Variants in UBR3 observed in about 807,000 individuals in gnomAD.
UBR3 encodes E3 ubiquitin-protein ligase UBR3.
In UBR3, 85 loss-of-function variants were observed where a neutral mutation model predicts 243.2. That is an observed-to-expected ratio of 0.35 (90% CI 0.29 to 0.42). The LOEUF is 0.42. Among genes scored for constraint, UBR3 ranks in the 10% least tolerant of loss-of-function variants. The pLI, the probability that UBR3 is intolerant of heterozygous loss-of-function variation, is 1.00. For missense variants in UBR3, 1,686 were observed against 2,300.8 expected (o/e 0.73, Z 5.47); for synonymous variants, 748 against 799.8 (o/e 0.94, Z 1.09).
At chr2:169,899,759 T>C (rs2105329994) in intron 8 of UBR3, among the ~76,000 whole-genome samples, 1 of 152,332 alleles carries the variant, frequency 6.6e-6, no homozygotes, top group East Asian at 1.9e-4. Context: ...TGTTTGGTTT[T>C]CTGTCCTTGT....
intron 30 of UBR3, among the ~76,000 whole-genome samples, chr2:170,017,376 G>C (rs994810053): frequency 6.6e-6 from 1 of 151,952 alleles, no homozygotes; most frequent in African/African-American, 2.4e-5. Context: ...AAATGATAAG[G>C]GAACTTTTTT....
At chr2:169,879,899 CAT>C (rs1245023534) in intron 5 of UBR3, among the ~76,000 whole-genome samples, 3 of 152,068 alleles carry the variant, frequency 2.0e-5, no homozygotes. Context: ...CTTTCAAAAA[CAT>C]ATAAACATTA....
chr2:169,957,352 C>T (rs980075597), intron 23 of UBR3, among the ~76,000 whole-genome samples: 2 of 151,660 alleles, frequency 1.3e-5, no homozygotes, highest in Non-Finnish European at 2.9e-5. Flanking sequence ...GAAAATGTGG[C>T]ACATATACAC....
At chr2:169,837,616 AG>A (rs1009787294) in intron 1 of UBR3, among the ~76,000 whole-genome samples, 4 of 152,172 alleles carry the variant, frequency 2.6e-5, no homozygotes, top group African/African-American at 9.7e-5. Flanking sequence ...ACAGAGCAGC[AG>A]GGGGGGAGAA....
intron 31 of UBR3, among the ~76,000 whole-genome samples, chr2:170,037,894 G>A (rs952890250): frequency 1.4e-4 from 22 of 151,772 alleles, no homozygotes; most frequent in South Asian, 2.1e-4. Context: ...TCTTGCATAC[G>A]GCAATTTGGA....
chr2:169,867,322 A>G (rs992803853), intron 1 of UBR3, among the ~76,000 whole-genome samples: 2 of 152,182 alleles, frequency 1.3e-5, no homozygotes, highest in African/African-American at 4.8e-5. Context: ...TTCATTTCTC[A>G]CTTAATTTAT....
At position 170,055,652 on chromosome 2, in the gene UBR3, A is replaced by T. The variant is rs890635040; in HGVS notation, c.4785+68A>T. ...TCATTTAAGCTGGGGATATTGAGTGAATAAGAGTAGGTGTTACAAAATGAG... is the reference window on the plus strand; with the variant it reads ...TCATTTAAGCTGGGGATATTGAGTGTATAAGAGTAGGTGTTACAAAATGAG... On this transcript the variant is annotated intron_variant, in intron 33 of 38. Transcript: ENST00000272793. 2.8e-5 allele frequency: 44 copies of T among 1,576,294 alleles called. No individual in the cohort carries two copies. In the South Asian group the frequency reaches 4.1e-4, roughly 15 times the overall value.
chr2:170,007,053 C>G lies in UBR3; in HGVS notation c.4093C>G (p.Gln1365Glu). The stretch of plus-strand genomic sequence containing the variant: ...AGAATTCACGTGTCCACTCTGTAGG[C>G]AGTTTGCTAACAGTGTTCTTCCATG... Reference protein sequence around the residue: ...KGEFTCPLCRQFANSVLPCYP... With the variant: ...KGEFTCPLCREFANSVLPCYP... The change falls in exon 28 of 39, where the codon CAG becomes GAG. Residue 1365 changes from glutamine to glutamate, a missense_variant. By Grantham distance (29) the Gln-to-Glu change is conservative. Transcript: ENST00000272793. The G allele has an allele frequency of 6.2e-7, 1 of 1,613,718 alleles. No homozygotes were observed. The highest frequency in any genetic ancestry group is 8.5e-7 in the Non-Finnish European group (1 of 1,179,964).
intron 29 of UBR3, among the ~76,000 whole-genome samples, chr2:170,012,496 T>A (rs2090114469): frequency 1.3e-5 from 2 of 152,120 alleles, no homozygotes; most frequent in South Asian, 4.1e-4. Flanking sequence ...AGAATATAAT[T>A]TGTTTTTAAA....
At chr2:169,911,054 A>G (rs2085234541) in intron 10 of UBR3, among the ~76,000 whole-genome samples, 2 of 152,204 alleles carry the variant, frequency 1.3e-5, no homozygotes, top group Admixed American at 1.3e-4. Flanking sequence ...TTGATAAATT[A>G]CTGTCTTTGT....
chr2:169,950,666 T>C (rs761697543), intron 23 of UBR3, among the ~76,000 whole-genome samples: 1 of 152,014 alleles, frequency 6.6e-6, no homozygotes, highest in Non-Finnish European at 1.5e-5. Context: ...TACTATGTTA[T>C]GTGGGGTTTG....
At chr2:170,059,938 G>A (rs1442535692) in intron 33 of UBR3, among the ~76,000 whole-genome samples, 1 of 152,066 alleles carries the variant, frequency 6.6e-6, no homozygotes, top group Non-Finnish European at 1.5e-5. Context: ...GGGATACGTG[G>A]GAAATAAAAA....
intron 24 of UBR3, among the ~76,000 whole-genome samples, chr2:169,962,304 C>A (rs1028548460): frequency 2.6e-5 from 4 of 151,658 alleles, no homozygotes; most frequent in Admixed American, 6.6e-5. Context: ...GTTGGTCTGG[C>A]CTTAAAGCAA....
intron 1 of UBR3, among the ~76,000 whole-genome samples, chr2:169,867,456 CT>C (rs2083296984): frequency 6.6e-6 from 1 of 152,050 alleles, no homozygotes; most frequent in South Asian, 2.1e-4. Context: ...GCATTTTTAA[CT>C]TTTTTATATT....
At position 169,925,741 on chromosome 2, in the gene UBR3, G is replaced by T; in HGVS notation, c.2145G>T (p.Leu715=). The change falls in exon 14 of 39, where the codon CTG becomes CTT. Residue 715 remains leucine (L), a synonymous_variant. Transcript: ENST00000272793. ...CCATGATTGATCCTGACATTTACCT[G>T]TTACAGGTAAGCCAGCTAGATAATG... is the stretch of plus-strand genomic sequence containing the variant. ...CNSMIDPDIY[L]LQVCASRLDP... is the part of the protein sequence containing the mutation. 1 of 1,545,696 alleles carries T rather than the reference G, an allele frequency of 6.5e-7. No homozygotes were observed. Among genetic ancestry groups the T allele is most frequent in the South Asian group, 1.2e-5 (1 of 82,562 alleles).
chr2:169,970,928 T>C (rs2088109325), intron 24 of UBR3, among the ~76,000 whole-genome samples: 1 of 144,042 alleles, frequency 6.9e-6, no homozygotes, highest in African/African-American at 2.6e-5. Context: ...TGAACTAGTT[T>C]ACAGTCCCAC....
chr2:169,918,488 A>T (rs1380691138), intron 11 of UBR3, among the ~76,000 whole-genome samples: 1 of 141,652 alleles, frequency 7.1e-6, no homozygotes. Flanking sequence ...CAAGCAAATA[A>T]TTTTTTTTTT....
At chr2:170,019,068 A>AATTT (rs2105414117) in intron 30 of UBR3, among the ~76,000 whole-genome samples, 2 of 152,296 alleles carry the variant, frequency 1.3e-5, no homozygotes, top group East Asian at 3.9e-4. Flanking sequence ...TGGGTCTGAG[A>AATTT]ATTTGTCTGC....
chr2:170,075,254 A>G (rs1211148270), intron 36 of UBR3, among the ~76,000 whole-genome samples: 1 of 152,162 alleles, frequency 6.6e-6, no homozygotes, highest in Non-Finnish European at 1.5e-5. Context: ...ACATATACAA[A>G]TATCTTCCTG....
Sources: allele counts gnomAD v4.1 joint callset (sites outside exome capture counted in the v4.1 genomes callset), GRCh38; gene constraint gnomAD v4.1.1; transcripts MANE v1.5; gene names NCBI Gene and HGNC (gene_info 2026-07-23, HGNC 2026-07-21).